THSD4: variants seen among roughly 807,000 people sequenced by gnomAD.
THSD4 encodes thrombospondin type-1 domain-containing protein 4.
Under a neutral mutation model 119.0 loss-of-function variants are expected in THSD4, and 69 were observed. The ratio of observed to expected loss-of-function variants is 0.58; its 90% CI spans 0.48 to 0.71. The LOEUF is 0.71. THSD4 is among the 30% of genes least tolerant of loss of function. The probability of loss-of-function intolerance (pLI) is 0.00; values close to 1 mark genes in which losing one functional copy is unlikely to be tolerated. For synonymous variants in THSD4, 524 were observed against 540.4 expected (o/e 0.97, Z 0.42); for missense variants, 1,393 against 1,391.1 (o/e 1.00, Z -0.02).
intron 2 of THSD4, among the ~76,000 whole-genome samples, chr15:71,142,400 A>G (rs2040613547): frequency 6.6e-6 from 1 of 152,176 alleles, no homozygotes; most frequent in Non-Finnish European, 1.5e-5. Context: ...AAACTTTTTA[A>G]AAAGGCTGAC....
At chr15:71,375,587 TTGA>T (rs1380692235) in intron 6 of THSD4, among the ~76,000 whole-genome samples, 1 of 152,148 alleles carries the variant, frequency 6.6e-6, no homozygotes, top group Non-Finnish European at 1.5e-5. Flanking sequence ...ACAAGCAGTA[TTGA>T]TGATGTCCTC....
rs190929951 is a variant in THSD4, at chr15:71,153,097, G to A, written c.30-1766G>A. ...TCCAGCTAGGGTTTGGCCTTTAGAT[G>A]TTTTTCAGAGGAGAATCAGGCACCA... On this transcript the variant is annotated intron_variant, in intron 2 of 17. Transcript: ENST00000261862. 2.9e-4 allele frequency among the ~76,000 whole-genome samples: 44 copies of A among 152,238 alleles called. 1 individual carries two copies. Among genetic ancestry groups the A allele is most frequent in the Admixed American group, 2.4e-3 (36 of 15,276 alleles).
At chr15:71,315,296 G>C (rs553399605) in intron 6 of THSD4, among the ~76,000 whole-genome samples, 1 of 152,240 alleles carries the variant, frequency 6.6e-6, no homozygotes, top group Non-Finnish European at 1.5e-5. Flanking sequence ...CAGCCAGTCT[G>C]TATCCTTCTT....
intron 6 of THSD4, among the ~76,000 whole-genome samples, chr15:71,306,007 G>C (rs2045019083): frequency 6.6e-6 from 1 of 152,082 alleles, no homozygotes; most frequent in East Asian, 1.9e-4. Context: ...AGAGCTTAAA[G>C]GCATTAAGAT....
intron 4 of THSD4, among the ~76,000 whole-genome samples, chr15:71,218,244 G>A (rs2043950236): frequency 6.6e-6 from 1 of 152,218 alleles, no homozygotes; most frequent in South Asian, 2.1e-4. Flanking sequence ...AGAGGACCTA[G>A]AGCCAGTGGA....
At chr15:71,477,853 C>T (rs1224905000) in intron 7 of THSD4, among the ~76,000 whole-genome samples, 1 of 152,188 alleles carries the variant, frequency 6.6e-6, no homozygotes, top group East Asian at 1.9e-4. Flanking sequence ...CACTTGAATA[C>T]AGGGTTCTGC....
chr15:71,345,218 G>A (rs1415167253), intron 6 of THSD4, among the ~76,000 whole-genome samples: 1 of 150,816 alleles, frequency 6.6e-6, no homozygotes, highest in Admixed American at 6.6e-5. Context: ...GGGTGGGTAG[G>A]GGGCAAAGGG....
rs111456423 is a variant in THSD4 at position 71,654,014 on chromosome 15, T to C, written c.1153-6516T>C. 3.6e-3 allele frequency among the ~76,000 whole-genome samples: 546 copies of C among 152,354 alleles called. 4 individuals are homozygous for C. The highest frequency in any genetic ancestry group is 0.012 in the African/African-American group (517 of 41,582). ...ACCAGGGATTGGCAATTTTTTTCTG[T>C]AAAGGGCCAGATCTAAATATTTTAG... is the stretch of plus-strand genomic sequence containing the variant. On this transcript the variant is annotated intron_variant, in intron 7 of 17. Transcript: ENST00000261862.
chr15:71,505,419 G>A (rs529847926), intron 7 of THSD4, among the ~76,000 whole-genome samples: 1 of 152,318 alleles, frequency 6.6e-6, no homozygotes, highest in Non-Finnish European at 1.5e-5. Context: ...AGAGTTTGGG[G>A]AAGAAAATTG....
intron 8 of THSD4, among the ~76,000 whole-genome samples, chr15:71,727,480 G>A (rs1019105669): frequency 2.0e-5 from 3 of 148,734 alleles, no homozygotes; most frequent in African/African-American, 7.6e-5. Flanking sequence ...CAGATCGCTT[G>A]AGCTCAGGAG....
chr15:71,499,310 C>G (rs78412929), intron 7 of THSD4, among the ~76,000 whole-genome samples: 1 of 152,084 alleles, frequency 6.6e-6, no homozygotes, highest in East Asian at 1.9e-4. Context: ...TCTTCTTGCC[C>G]TGACTACCCA....
chr15:71,216,443 G>A (rs562876321), intron 4 of THSD4, among the ~76,000 whole-genome samples: 19 of 152,342 alleles, frequency 1.2e-4, no homozygotes, highest in Admixed American at 3.9e-4. Flanking sequence ...ACTGCCAGCC[G>A]CCTGAAGGTG....
intron 13 of THSD4, 84 bp downstream of exon 13, chr15:71,747,126 G>A (rs1007121073): frequency 4.1e-6 from 6 of 1,462,460 alleles, no homozygotes; most frequent in Non-Finnish European, 4.6e-6. Flanking sequence ...GACCTGAGAT[G>A]GGTAACCCTG....
intron 6 of THSD4, among the ~76,000 whole-genome samples, chr15:71,322,240 A>G (rs2045278855): frequency 6.6e-6 from 1 of 152,158 alleles, no homozygotes; most frequent in Non-Finnish European, 1.5e-5. Flanking sequence ...CAGGATTTCC[A>G]TGAGTTGAAG....
intron 6 of THSD4, among the ~76,000 whole-genome samples, chr15:71,365,980 G>C (rs1034688451): frequency 2.6e-5 from 4 of 152,130 alleles, no homozygotes; most frequent in Non-Finnish European, 5.9e-5. Context: ...CTCTAAACTA[G>C]AACTTCTCTC....
At chr15:71,646,870 A>C (rs559997774) in intron 7 of THSD4, among the ~76,000 whole-genome samples, 6 of 152,302 alleles carry the variant, frequency 3.9e-5, no homozygotes, top group Non-Finnish European at 1.5e-5. Context: ...GGAATCAGAG[A>C]ATCACATATA....
chr15:71,438,785 G>C (rs2047049899), intron 7 of THSD4, among the ~76,000 whole-genome samples: 1 of 152,184 alleles, frequency 6.6e-6, no homozygotes, highest in East Asian at 1.9e-4. Context: ...GTGATGAAAG[G>C]TAAGTTTGCT....
chr15:71,111,296 A>G (rs774863080), upstream of THSD4: 2 of 1,613,822 alleles, frequency 1.2e-6, no homozygotes, highest in Admixed American at 3.3e-5. Flanking sequence ...TCTGGAAACC[A>G]TTTTGCTCAT....
chr15:71,155,040 G>A, intron 3 of THSD4, 108 bp downstream of exon 3: 1 of 1,002,576 alleles, frequency 1.0e-6, no homozygotes, highest in South Asian at 1.3e-5. Flanking sequence ...CACTGATCCT[G>A]AAAGGAAGCA....
Sources: allele counts gnomAD v4.1 joint callset (sites outside exome capture counted in the v4.1 genomes callset), GRCh38; gene constraint gnomAD v4.1.1; transcripts MANE v1.5; gene names NCBI Gene and HGNC (gene_info 2026-07-23, HGNC 2026-07-21).